The following SIN3A variants were observed in gnomAD, a reference collection of about 807,000 sequenced individuals.
SIN3A encodes the protein SIN3 transcription regulator family member A.
A neutral mutation model predicts 146.1 loss-of-function variants in SIN3A; 14 were observed. The observed-to-expected ratio is 0.10, with a 90% CI of 0.06 to 0.15. The LOEUF (loss-of-function observed/expected upper bound fraction) is 0.15, where lower values mean the gene tolerates loss of function less well. SIN3A is among the 10% of genes least tolerant of loss of function. The pLI is 1.00. For synonymous variants in SIN3A, 572 were observed against 572.0 expected (o/e 1.00, Z 0.00); for missense variants, 1,028 against 1,576.0 (o/e 0.65, Z 5.89).
chr15:75,395,434 A>G (rs1439247459), intron 13 of SIN3A, among the ~76,000 whole-genome samples: 1 of 152,208 alleles, frequency 6.6e-6, no homozygotes, highest in Non-Finnish European at 1.5e-5. Flanking sequence ...TCTTGAGGGG[A>G]AGATGAGGGA....
At chr15:75,428,359 T>A (rs940374637) in intron 2 of SIN3A, among the ~76,000 whole-genome samples, 1 of 152,164 alleles carries the variant, frequency 6.6e-6, no homozygotes, top group African/African-American at 2.4e-5. Context: ...TGTTGTCCAG[T>A]CTGAAGTACA....
chr15:75,433,225 T>TAC (rs2074045578), intron 1 of SIN3A, among the ~76,000 whole-genome samples: 1 of 152,188 alleles, frequency 6.6e-6, no homozygotes, highest in Non-Finnish European at 1.5e-5. Context: ...AAACTCTATC[T>TAC]ACCATGAAGC....
Position 75,371,988 on chromosome 15 carries a change from T to G in SIN3A, c.3813A>C (p.Lys1271Asn), listed in dbSNP as rs1429737649. Residue 1271 changes from lysine to asparagine, a missense_variant, in exon 21 of 21, where the codon AAA becomes AAC. By Grantham distance (94) the Lys-to-Asn change is moderately conservative. Coordinates refer to ENST00000394947, the MANE Select transcript of SIN3A (RefSeq NM_001145358.2). ...TGCTCTGGCTTTGCAGTTAAGGGGCTTTGAATACTGTGCCGTATTTGACAC... is the reference window on the plus strand; with the variant it reads ...TGCTCTGGCTTTGCAGTTAAGGGGCGTTGAATACTGTGCCGTATTTGACAC... Reference protein sequence around the residue: ...KYRVKYGTVFKAP With the variant: ...KYRVKYGTVFNAP 2.5e-6 allele frequency: 4 copies of G among 1,614,068 alleles called. No homozygotes were observed. Among genetic ancestry groups the G allele is most frequent in the East Asian group, 2.2e-5 (1 of 44,888 alleles).
intron 20 of SIN3A, among the ~76,000 whole-genome samples, chr15:75,372,838 A>C (rs2072778608): frequency 6.6e-6 from 1 of 151,486 alleles, no homozygotes; most frequent in South Asian, 2.1e-4. Flanking sequence ...AAAAAAAAAA[A>C]AACCCAAAAC....
At chr15:75,441,648 G>C (rs929306483) in intron 1 of SIN3A, among the ~76,000 whole-genome samples, 1 of 152,008 alleles carries the variant, frequency 6.6e-6, no homozygotes, top group Admixed American at 6.6e-5. Flanking sequence ...TTGATTCCAG[G>C]TTTCAGGTAC....
At chr15:75,399,502 TG>T (rs1427470179) in intron 12 of SIN3A, among the ~76,000 whole-genome samples, 1 of 152,164 alleles carries the variant, frequency 6.6e-6, no homozygotes, top group African/African-American at 2.4e-5. Flanking sequence ...CACTCCAGCC[TG>T]GGAGACAGAG....
chr15:75,429,959 A>T (rs2073987119), intron 2 of SIN3A: 2 of 460,494 alleles, frequency 4.3e-6, no homozygotes, highest in Non-Finnish European at 3.8e-6. Flanking sequence ...CTACCTCTGA[A>T]GGGAGGGAAA....
Position 75,411,045 on chromosome 15 carries a change from T to C in SIN3A, c.1008+447A>G, listed in dbSNP as rs193277340. 7.1e-5 allele frequency among the ~76,000 whole-genome samples: 10 copies of C among 139,994 alleles called. No homozygotes were observed. The East Asian group carries it at 8.8e-4, about 12-fold the overall frequency. The allele number at this position is 139,994 out of a possible 152,430, so 91.8% of individuals were successfully genotyped here. ...AGTCAGGCAAATAAAACTGGCTTTA[T>C]AGCATGGGGGCGGTGGCTCACGCCT... On this transcript the variant is annotated intron_variant, in intron 6 of 20. Coordinates refer to ENST00000394947, the MANE Select transcript of SIN3A (RefSeq NM_001145358.2).
chr15:75,384,474 GA>G, intron 16 of SIN3A, 37 bp from the exon 17 acceptor site: 2 of 1,393,678 alleles, frequency 1.4e-6, no homozygotes, highest in Non-Finnish European at 1.9e-6. Context: ...AGTGAACACA[GA>G]AAACATTTCT....
intron 1 of SIN3A, among the ~76,000 whole-genome samples, chr15:75,433,823 C>A (rs1010055483): frequency 1.3e-5 from 2 of 151,856 alleles, no homozygotes; most frequent in South Asian, 2.1e-4. Flanking sequence ...ACAACAACAA[C>A]AAACAAACAA....
chr15:75,422,561 GT>G, intron 3 of SIN3A, 85 bp downstream of exon 3: 1 of 1,440,670 alleles, frequency 6.9e-7, no homozygotes, highest in East Asian at 2.3e-5. Flanking sequence ...CAGGTTAGAA[GT>G]TGTACCACCA....
chr15:75,409,542 C>T (rs559951454), intron 8 of SIN3A, among the ~76,000 whole-genome samples: 73 of 150,724 alleles, frequency 4.8e-4, no homozygotes, highest in African/African-American at 1.7e-3. Flanking sequence ...CTGGCTAACA[C>T]GGTGAAACCC....
intron 2 of SIN3A, among the ~76,000 whole-genome samples, chr15:75,425,652 T>C (rs1034877900): frequency 1.3e-5 from 2 of 152,244 alleles, no homozygotes; most frequent in African/African-American, 4.8e-5. Flanking sequence ...TTTCCTTCTA[T>C]ATCTATTTCA....
intron 1 of SIN3A, among the ~76,000 whole-genome samples, chr15:75,445,962 G>A (rs933960148): frequency 1.3e-5 from 2 of 152,094 alleles, no homozygotes; most frequent in African/African-American, 4.8e-5. Flanking sequence ...TCAGCATACT[G>A]CTTTGTCTTG....
intron 10 of SIN3A, among the ~76,000 whole-genome samples, chr15:75,401,359 C>A (rs1427036257): frequency 6.6e-6 from 1 of 151,984 alleles, no homozygotes; most frequent in Non-Finnish European, 1.5e-5. Context: ...AAAACACCGT[C>A]TCTACTAAAA....
chr15:75,407,668 AG>A (rs1013251906), intron 8 of SIN3A, among the ~76,000 whole-genome samples: 5 of 152,028 alleles, frequency 3.3e-5, no homozygotes, highest in Admixed American at 1.3e-4. Context: ...CAAGGTGGGC[AG>A]ATCATGAGGT....
At chr15:75,422,261 T>C (rs1419600777) in intron 3 of SIN3A, 7 of 353,008 alleles carry the variant, frequency 2.0e-5, no homozygotes, top group African/African-American at 6.3e-5. Context: ...TTTAAAAAGA[T>C]TGAACTGTAA....
At chr15:75,403,560 G>A (rs2073452602) in intron 9 of SIN3A, among the ~76,000 whole-genome samples, 1 of 146,946 alleles carries the variant, frequency 6.8e-6, no homozygotes, top group Admixed American at 6.8e-5. Context: ...TTTTTTTTGA[G>A]ACCGAGTTTC....
At chr15:75,376,153 C>A (rs2072851621) in intron 19 of SIN3A, 6 of 488,938 alleles carry the variant, frequency 1.2e-5, no homozygotes, top group South Asian at 9.8e-5. Context: ...TAAATTTACA[C>A]ATGTAATTAC....
Sources: allele counts gnomAD v4.1 joint callset (sites outside exome capture counted in the v4.1 genomes callset), GRCh38; gene constraint gnomAD v4.1.1; transcripts MANE v1.5; gene names NCBI Gene and HGNC (gene_info 2026-07-23, HGNC 2026-07-21).